The following IQCE variants were observed in gnomAD, a reference collection of about 807,000 sequenced individuals.
IQCE encodes IQ domain-containing protein E.
In IQCE, 115 loss-of-function variants were observed where a neutral mutation model predicts 96.0. The observed-to-expected ratio is 1.20, with a 90% confidence interval of 1.03 to 1.40. The LOEUF is 1.40. IQCE is among the 40% of genes most tolerant of loss of function. The pLI, the probability that IQCE is intolerant of heterozygous loss-of-function variation, is 0.00. For synonymous variants in IQCE, 412 were observed against 371.2 expected (o/e 1.11, Z -1.26); for missense variants, 1,041 against 909.1 (o/e 1.15, Z -1.87).
intron 11 of IQCE, chr7:2,584,486 G>A (rs750939558): frequency 9.8e-6 from 6 of 613,598 alleles, no homozygotes; most frequent in African/African-American, 5.5e-5. Context: ...TAGTGACCAC[G>A]TGTTGATGGC....
At position 2,611,768 on chromosome 7, in the gene IQCE, G is replaced by C. The variant is rs1026514638; in HGVS notation, c.*1606G>C. On this transcript the variant is annotated 3_prime_UTR_variant, in exon 22 of 22. Transcript: ENST00000402050. ...CTTAGCTTCTGTTTCTGCAGTGGGT[G>C]GAAGCGAGTCAGCGGGGGGCCTGGC... The C allele has an allele frequency of 6.6e-6, 1 of 152,276 alleles. No homozygotes were observed. Among genetic ancestry groups the C allele is most frequent in the South Asian group, 2.1e-4 (1 of 4,834 alleles). The allele number at this position is 152,276 out of a possible 1,614,324, so 9.4% of individuals were successfully genotyped here. A position where few individuals can be genotyped will look rare whatever the true frequency, so the allele number is the denominator to read the frequency against.
chr7:2,582,204 G>T, intron 8 of IQCE: 1 of 389,290 alleles, frequency 2.6e-6, no homozygotes, highest in Non-Finnish European at 5.1e-6. Context: ...GCGGCCCTAG[G>T]GGCTTCAGGT....
intron 6 of IQCE, among the ~76,000 whole-genome samples, chr7:2,573,768 G>A (rs1046403577): frequency 2.0e-5 from 3 of 152,206 alleles, no homozygotes; most frequent in Non-Finnish European, 4.4e-5. Flanking sequence ...ATTAGCTTCA[G>A]AGTCGCCTTG....
At position 2,611,324 on chromosome 7, in the gene IQCE, C is replaced by T. The variant is rs1785098125; in HGVS notation, c.*1162C>T. 1.3e-5 allele frequency: 2 copies of T among 152,308 alleles called. No individual in the cohort carries two copies. Among genetic ancestry groups the T allele is most frequent in the Non-Finnish European group, 2.9e-5 (2 of 68,092 alleles). The allele number at this position is 152,308 out of a possible 1,614,324, so 9.4% of individuals were successfully genotyped here. A position where few individuals can be genotyped will look rare whatever the true frequency, so the allele number is the denominator to read the frequency against. On this transcript the variant is annotated 3_prime_UTR_variant, in exon 22 of 22. Transcript: ENST00000402050. ...CAGGGGCATCTAGACCCCTGCACAG[C>T]CCAGGCCTGGTGTCTGCATTTCCAC...
chr7:2,587,421 G>T (rs1783209697), intron 12 of IQCE, among the ~76,000 whole-genome samples: 1 of 151,832 alleles, frequency 6.6e-6, no homozygotes, highest in Non-Finnish European at 1.5e-5. Context: ...GGAGGCGAGG[G>T]GCAGCCAGCG....
In IQCE at chr7:2,586,235, C is replaced by G. The variant is rs755012927; in HGVS notation, c.852C>G (p.Ala284=). 25 of 1,613,750 alleles carry G rather than the reference C, an allele frequency of 1.5e-5. No individual in the cohort carries two copies. Among genetic ancestry groups the G allele is most frequent in the Admixed American group, 6.7e-5 (4 of 59,960 alleles). ...CCCTGGGGGAGAAGAAGACGGGCGCCAAAAGGCAGAAGAAGATGGGCAGTG... is the reference window on the plus strand; with the variant it reads ...CCCTGGGGGAGAAGAAGACGGGCGCGAAAAGGCAGAAGAAGATGGGCAGTG... ...KKPLGEKKTG[A]KRQKKMGSAL... Residue 284 remains alanine, a synonymous_variant, in exon 12 of 22, where the codon GCC becomes GCG. Coordinates refer to ENST00000402050, the MANE Select transcript of IQCE (RefSeq NM_152558.5).
intron 6 of IQCE, among the ~76,000 whole-genome samples, chr7:2,577,405 G>GCGCGCGGGGACGTGTGTGCGGCGTATA (rs1782225846): frequency 7.0e-6 from 1 of 143,540 alleles, no homozygotes. Context: ...GCATGGCTGT[G>GCGCGCGGGGACGTGTGTGCGGCGTATA]CGCGCGGGGA....
intron 12 of IQCE, among the ~76,000 whole-genome samples, chr7:2,586,882 G>T (rs560587529): frequency 6.6e-6 from 1 of 152,264 alleles, no homozygotes; most frequent in African/African-American, 2.4e-5. Context: ...GAGGCAGGGT[G>T]CCATGGGAGC....
chr7:2,564,758 A>G (rs1005897513), intron 1 of IQCE, among the ~76,000 whole-genome samples: 2 of 152,086 alleles, frequency 1.3e-5, no homozygotes, highest in Non-Finnish European at 2.9e-5. Context: ...CTTGAGTAGA[A>G]TGTGTATTGT....
chr7:2,606,086 G>A (rs1445230976), intron 20 of IQCE, 89 bp downstream of exon 20: 3 of 1,429,952 alleles, frequency 2.1e-6, no homozygotes, highest in South Asian at 1.5e-5. Context: ...TGCAGGGCAT[G>A]TGGCGGAAAC....
intron 9 of IQCE, among the ~76,000 whole-genome samples, chr7:2,583,016 G>A (rs534964121): frequency 1.2e-3 from 180 of 152,168 alleles, no homozygotes; most frequent in African/African-American, 4.1e-3. Context: ...TTTCTGGGCT[G>A]TGTTTTGGTT....
intron 3 of IQCE, among the ~76,000 whole-genome samples, chr7:2,569,687 C>G (rs1269015219): frequency 6.6e-6 from 1 of 152,152 alleles, no homozygotes; most frequent in Non-Finnish European, 1.5e-5. Context: ...CCTGTGCTAC[C>G]CCAAAGCCTG....
chr7:2,600,093 C>CT (rs939843547), intron 17 of IQCE, among the ~76,000 whole-genome samples: 101 of 147,540 alleles, frequency 6.8e-4, no homozygotes, highest in Middle Eastern at 3.6e-3. Context: ...TGTGCCTGGC[C>CT]TTTTTTTTTT....
intron 16 of IQCE, among the ~76,000 whole-genome samples, chr7:2,595,581 G>A (rs532850529): frequency 3.9e-5 from 6 of 152,278 alleles, no homozygotes; most frequent in Non-Finnish European, 5.9e-5. Context: ...AGCTAGTCGC[G>A]GCGGCGTCTC....
chr7:2,561,220 A>G (rs60184658), intron 1 of IQCE, among the ~76,000 whole-genome samples: 1,946 of 152,178 alleles, frequency 0.013, 39 homozygotes, highest in African/African-American at 0.045. Flanking sequence ...GGCCTCCCAA[A>G]GTGCTGGGAT....
rs1039425386 is a variant in IQCE at position 2,585,909 on chromosome 7, G to T, written c.825-299G>T. ...ATCCTGCAAGCACCTGGCGTAACAA[G>T]ATGCCTTTCCACAGCCCTTCTAGTG... On this transcript the variant is annotated intron_variant, in intron 11 of 21. Coordinates refer to ENST00000402050, the MANE Select transcript of IQCE (RefSeq NM_152558.5). 2.0e-5 allele frequency among the ~76,000 whole-genome samples: 3 copies of T among 152,346 alleles called. No individual in the cohort carries two copies. In the South Asian group the frequency reaches 6.2e-4, roughly 32 times the overall value.
Position 2,559,085 on chromosome 7 carries a change from G to C in IQCE, c.-97G>C. On this transcript the variant is annotated 5_prime_UTR_variant, in exon 1 of 22. Coordinates refer to ENST00000402050, the MANE Select transcript of IQCE (RefSeq NM_152558.5). ...GGGGTCGCGGGCCGGCGCCAGGGAA[G>C]GCCCCGAGGCTGCGGGCGGCCAGGG... 1 of 673,152 alleles carries C rather than the reference G, an allele frequency of 1.5e-6. No homozygotes were observed. Among genetic ancestry groups the C allele is most frequent in the Non-Finnish European group, 2.0e-6 (1 of 490,700 alleles). 41.7% of individuals were successfully genotyped at this position (673,152 alleles called of 1,614,324 possible).
At chr7:2,603,040 C>G (rs186157073) in intron 18 of IQCE, among the ~76,000 whole-genome samples, 156 of 152,286 alleles carry the variant, frequency 1.0e-3, no homozygotes, top group African/African-American at 3.6e-3. Context: ...TGCCTGGCCT[C>G]CTGGTCCCTA....
At chr7:2,559,974 C>T (rs998099434) in intron 1 of IQCE, among the ~76,000 whole-genome samples, 1 of 152,052 alleles carries the variant, frequency 6.6e-6, no homozygotes, top group African/African-American at 2.4e-5. Flanking sequence ...GCCTGGGCAA[C>T]ATCGCAAGAC....
Sources: gnomAD v4.1 joint callset for allele counts (sites outside exome capture counted in the v4.1 genomes callset) on GRCh38, gnomAD v4.1.1 for gene constraint, MANE v1.5 for transcripts, NCBI Gene and HGNC (gene_info 2026-07-23, HGNC 2026-07-21) for gene names.